GRAMD2B: variants seen among roughly 807,000 people sequenced by gnomAD.
GRAMD2B encodes GRAM domain-containing protein 2B.
GRAMD2B carries 41 observed loss-of-function variants against 59.2 expected under a neutral mutation model. That is an observed-to-expected ratio of 0.69 (90% CI 0.54 to 0.90). GRAMD2B has a LOEUF of 0.90. Ranked by LOEUF, GRAMD2B falls within the 40% of genes least tolerant of loss-of-function variation. The probability of loss-of-function intolerance (pLI) is 0.00; values close to 1 mark genes in which losing one functional copy is unlikely to be tolerated. For missense variants in GRAMD2B, 424 were observed against 500.5 expected, an observed-to-expected ratio of 0.85 and a Z score of 1.46; for synonymous variants, 161 against 182.7, an observed-to-expected ratio of 0.88 and a Z score of 0.96.
intron 1 of GRAMD2B, among the ~76,000 whole-genome samples, chr5:126,425,026 C>T (rs374041384): frequency 2.0e-5 from 3 of 152,216 alleles, no homozygotes; most frequent in African/African-American, 7.2e-5. Context: ...TAAAAATAGG[C>T]TTCTCTGCCA....
At chr5:126,452,320 C>T (rs142888323) in intron 1 of GRAMD2B, among the ~76,000 whole-genome samples, 1,628 of 152,096 alleles carry the variant, frequency 0.011, 38 homozygotes, top group African/African-American at 0.037. Context: ...GAGGGCTCTA[C>T]CCTCATAATC....
intron 11 of GRAMD2B, 32 bp from the exon 12 acceptor site, chr5:126,486,841 C>T (rs192380728): frequency 7.3e-7 from 1 of 1,378,360 alleles, no homozygotes; most frequent in East Asian, 2.3e-5. Flanking sequence ...GGCCGTTAAC[C>T]TAACGAAAGT....
intron 1 of GRAMD2B, among the ~76,000 whole-genome samples, chr5:126,384,544 C>T (rs191077801): frequency 2.3e-4 from 35 of 152,354 alleles, no homozygotes; most frequent in Middle Eastern, 3.4e-3. Flanking sequence ...TCACTTCAAA[C>T]ATGCTCCTGT....
At chr5:126,428,167 G>A (rs898184963) in intron 1 of GRAMD2B, among the ~76,000 whole-genome samples, 1 of 152,058 alleles carries the variant, frequency 6.6e-6, no homozygotes, top group Non-Finnish European at 1.5e-5. Flanking sequence ...AGGTTGCAGT[G>A]AGCCAAGATC....
chr5:126,394,914 T>C (rs988625295), intron 1 of GRAMD2B, among the ~76,000 whole-genome samples: 1 of 152,158 alleles, frequency 6.6e-6, no homozygotes, highest in Admixed American at 6.5e-5. Flanking sequence ...CTAAGAAACA[T>C]CCTAAGGCTA....
chr5:126,409,526 G>T (rs1296486509), intron 1 of GRAMD2B, among the ~76,000 whole-genome samples: 2 of 152,106 alleles, frequency 1.3e-5, no homozygotes, highest in Admixed American at 1.3e-4. Flanking sequence ...CCAACTTTTT[G>T]ATGGGGTTGT....
At chr5:126,491,799 T>A (rs1300279362) in intron 13 of GRAMD2B, among the ~76,000 whole-genome samples, 1 of 152,000 alleles carries the variant, frequency 6.6e-6, no homozygotes, top group African/African-American at 2.4e-5. Flanking sequence ...AGTGCCGCAA[T>A]CTTGGCTCAC....
At chr5:126,442,950 G>A (rs544919410) in intron 1 of GRAMD2B, among the ~76,000 whole-genome samples, 5 of 152,126 alleles carry the variant, frequency 3.3e-5, no homozygotes, top group South Asian at 4.2e-4. Context: ...TCCAAAATCC[G>A]AATTACTAAG....
At chr5:126,406,639 C>T (rs1758290368) in intron 1 of GRAMD2B, among the ~76,000 whole-genome samples, 1 of 151,932 alleles carries the variant, frequency 6.6e-6, no homozygotes, top group African/African-American at 2.4e-5. Context: ...CTGCTGTGTA[C>T]TATTTACAGA....
intron 1 of GRAMD2B, among the ~76,000 whole-genome samples, chr5:126,434,745 C>T (rs1762141849): frequency 1.3e-5 from 2 of 152,168 alleles, no homozygotes; most frequent in African/African-American, 4.8e-5. Context: ...TCTCGATCTC[C>T]TGACCTTGTG....
At chr5:126,395,790 G>A (rs1757312839) in intron 1 of GRAMD2B, among the ~76,000 whole-genome samples, 1 of 152,132 alleles carries the variant, frequency 6.6e-6, no homozygotes, top group Admixed American at 6.5e-5. Flanking sequence ...GCATGCACAT[G>A]TATATGTGTT....
intron 1 of GRAMD2B, among the ~76,000 whole-genome samples, chr5:126,426,796 G>A (rs1010410330): frequency 1.1e-4 from 17 of 152,100 alleles, no homozygotes; most frequent in African/African-American, 1.7e-4. Flanking sequence ...TATCAGTAGC[G>A]GTTAGAATTT....
At chr5:126,394,650 C>T (rs989148123) in intron 1 of GRAMD2B, among the ~76,000 whole-genome samples, 12 of 152,150 alleles carry the variant, frequency 7.9e-5, no homozygotes, top group African/African-American at 2.4e-4. Context: ...ACTCTGGAGA[C>T]GGGACATTGG....
rs1482698689 is a variant in GRAMD2B, at chr5:126,389,471, T to C, written c.125+17904T>C. 3.3e-5 allele frequency among the ~76,000 whole-genome samples: 5 copies of C among 152,306 alleles called. No homozygotes were observed. The East Asian group carries it at 9.6e-4, about 29-fold the overall frequency. On this transcript the variant is annotated intron_variant, in intron 1 of 8. Transcript: ENST00000506445. ...GTACTGGAAGAAATTATATTACTCA[T>C]CCCTGTATCCTCCTAAGCTATTGTT...
At chr5:126,488,620 C>T (rs1441657691) in intron 12 of GRAMD2B, among the ~76,000 whole-genome samples, 179 bp from the exon 13 acceptor site, 1 of 152,148 alleles carries the variant, frequency 6.6e-6, no homozygotes, top group Non-Finnish European at 1.5e-5. Flanking sequence ...GAATTAGTTC[C>T]CTAAACATCT....
chr5:126,382,919 G>T (rs1469933434), intron 1 of GRAMD2B, among the ~76,000 whole-genome samples: 3 of 152,118 alleles, frequency 2.0e-5, no homozygotes, highest in African/African-American at 7.2e-5. Flanking sequence ...TTCCCCTAGG[G>T]ATGGGGCTTC....
At chr5:126,489,099 A>C (rs1773481258) in intron 13 of GRAMD2B, among the ~76,000 whole-genome samples, 1 of 152,214 alleles carries the variant, frequency 6.6e-6, no homozygotes. Flanking sequence ...ATTTTCCTTG[A>C]AATACATAGT....
intron 1 of GRAMD2B, among the ~76,000 whole-genome samples, chr5:126,378,212 G>A (rs1256942036): frequency 6.6e-6 from 1 of 151,872 alleles, no homozygotes; most frequent in African/African-American, 2.4e-5. Context: ...TCAATAAAAA[G>A]GTAAGTTTTT....
At chr5:126,429,448 T>C (rs1761199616) in intron 1 of GRAMD2B, among the ~76,000 whole-genome samples, 1 of 152,106 alleles carries the variant, frequency 6.6e-6, no homozygotes, top group African/African-American at 2.4e-5. Flanking sequence ...GTTTAATACC[T>C]GAGTGACAAA....
Sources: allele counts gnomAD v4.1 joint callset (sites outside exome capture counted in the v4.1 genomes callset), GRCh38; gene constraint gnomAD v4.1.1; transcripts MANE v1.5; gene names NCBI Gene and HGNC (gene_info 2026-07-23, HGNC 2026-07-21).